The following RBCK1 variants were observed in gnomAD, a reference collection of about 807,000 sequenced individuals.
RBCK1 encodes the protein RANBP2-type and C3HC4-type zinc finger containing 1, also known as ranBP-type and C3HC4-type zinc finger-containing protein 1.
RBCK1 carries 44 observed loss-of-function variants against 71.1 expected under a neutral mutation model. That is an observed-to-expected ratio of 0.62 (90% CI 0.49 to 0.80). RBCK1 has a LOEUF of 0.80. Ranked by LOEUF, RBCK1 falls within the 30% of genes least tolerant of loss-of-function variation. RBCK1 has a pLI of 0.00. For synonymous variants in RBCK1, 306 were observed against 279.7 expected (o/e 1.09, Z -0.94); for missense variants, 569 against 685.0 (o/e 0.83, Z 1.89).
chr20:431,702 G>A lies in RBCK1; in HGVS notation c.*1272G>A, dbSNP rs190192935. ...CAAGAGCTGGCCCCAGTCACTGTGC[G>A]CAGAGCTGTCTGAGAATGTGTGAGT... is the stretch of plus-strand genomic sequence containing the variant. On this transcript the variant is annotated 3_prime_UTR_variant, in exon 12 of 12. Transcript: ENST00000356286. The surrounding 1 kb of genome is among the most constrained non-coding windows in gnomAD (Gnocchi z 4.8). 1.2e-4 allele frequency among the ~76,000 whole-genome samples: 18 copies of A among 152,332 alleles called. No homozygotes were observed. The highest frequency in any genetic ancestry group is 4.3e-4 in the African/African-American group (18 of 41,576).
intron 8 of RBCK1, among the ~76,000 whole-genome samples, chr20:425,837 A>G (rs536662011): frequency 1.2e-4 from 18 of 151,990 alleles, no homozygotes; most frequent in Admixed American, 3.3e-4. Flanking sequence ...ATGTTGGCCA[A>G]GCTAGTCTTA....
intron 4 of RBCK1, 37 bp from the exon 5 acceptor site, chr20:419,310 C>T: frequency 6.2e-7 from 1 of 1,610,392 alleles, no homozygotes; most frequent in Non-Finnish European, 8.5e-7. Context: ...ACCAAGTGGG[C>T]CGCGTGGAAC....
chr20:408,471 T>C lies in RBCK1; in HGVS notation c.-287T>C. On this transcript the variant is annotated 5_prime_UTR_variant, in exon 1 of 12. Transcript: ENST00000356286. The stretch of plus-strand genomic sequence containing the variant: ...TGGTGTCCGGGCGTCCTTTCCCCGC[T>C]TCTTCCCACCTCGGCTGGTCCCGTT... 1 of 532,386 alleles carries C rather than the reference T, an allele frequency of 1.9e-6. No individual in the cohort carries two copies. The highest frequency in any genetic ancestry group is 3.3e-6 in the Non-Finnish European group (1 of 301,516). 33.0% of individuals were successfully genotyped at this position (532,386 alleles called of 1,614,324 possible).
At position 419,725 on chromosome 20, in the gene RBCK1, C is replaced by T. The variant is rs1318573000; in HGVS notation, c.750C>T (p.Tyr250=). 6.4e-7 allele frequency: 1 copy of T among 1,557,086 alleles called. No individual in the cohort carries two copies. Among genetic ancestry groups the T allele is most frequent in the Non-Finnish European group, 8.7e-7 (1 of 1,154,922 alleles). The change falls in exon 6 of 12, where the codon TAC becomes TAT. Residue 250 remains tyrosine (Y), a synonymous_variant. Coordinates refer to ENST00000356286, the MANE Select transcript of RBCK1 (RefSeq NM_031229.4). ...GCGAGGAGGAGGCGCTGCGTCAGTACCAGCAGGTGGGCGGGAAAGTCCCTG... is the reference window on the plus strand; with the variant it reads ...GCGAGGAGGAGGCGCTGCGTCAGTATCAGCAGGTGGGCGGGAAAGTCCCTG... The part of the protein sequence containing the change: ...LAGEEEALRQ[Y]QQRKQQQQEG...
intron 2 of RBCK1, among the ~76,000 whole-genome samples, chr20:411,317 C>T (rs890995112): frequency 6.6e-6 from 1 of 152,184 alleles, no homozygotes; most frequent in Non-Finnish European, 1.5e-5. Context: ...AGTCCTCCTG[C>T]CTTGGCCTCC....
rs552376597 is a variant in RBCK1 at position 421,843 on chromosome 20, C to T, written c.918-284C>T. ...CATGGCTGCTGTTCTGAGATAGACTCTAGGGGCCAGATGGATGCAGGGAGC... is the reference window on the plus strand; with the variant it reads ...CATGGCTGCTGTTCTGAGATAGACTTTAGGGGCCAGATGGATGCAGGGAGC... On this transcript the variant is annotated intron_variant, in intron 7 of 11. Transcript: ENST00000356286. 1,584 of 436,590 alleles carry T rather than the reference C, an allele frequency of 3.6e-3. 9 individuals carry two copies. The highest frequency in any genetic ancestry group is 0.022 in the Middle Eastern group (36 of 1,626). The allele number at this position is 436,590 out of a possible 1,614,324, so 27.0% of individuals were successfully genotyped here.
At chr20:420,782 C>T in intron 6 of RBCK1, 89 bp from the exon 7 acceptor site, 8 of 1,208,356 alleles carry the variant, frequency 6.6e-6, no homozygotes, top group Non-Finnish European at 9.0e-6. Context: ...TGACCCAGCC[C>T]TGACCACGCC....
At chr20:425,547 C>G (rs769870871) in intron 8 of RBCK1, among the ~76,000 whole-genome samples, 47 of 151,838 alleles carry the variant, frequency 3.1e-4, no homozygotes, top group Non-Finnish European at 4.9e-4. Flanking sequence ...ATCTCAATAG[C>G]ACATATACTG....
At chr20:412,382 G>A (rs766179518) in intron 2 of RBCK1, among the ~76,000 whole-genome samples, 13 of 151,338 alleles carry the variant, frequency 8.6e-5, no homozygotes, top group Non-Finnish European at 1.6e-4. Flanking sequence ...GTGCAATGGT[G>A]CAATCTCGGC....
At chr20:408,813 C>A in intron 1 of RBCK1, 34 bp downstream of exon 1, 1 of 1,599,422 alleles carries the variant, frequency 6.3e-7, no homozygotes, top group Non-Finnish European at 8.5e-7. Flanking sequence ...GGGGAACTTC[C>A]GGTGGGAAGT....
chr20:419,548 C>T lies in RBCK1; in HGVS notation c.583-10C>T, dbSNP rs1462614822. On this transcript the variant is annotated splice_polypyrimidine_tract_variant and intron_variant, in intron 5 of 11. Coordinates refer to ENST00000356286, the MANE Select transcript of RBCK1 (RefSeq NM_031229.4). ...TGCCCAGTCGGGCTCACAGCACCCT[C>T]TGCTCCCAGGTGGGCTGGCAGTGCC... 5.6e-6 allele frequency: 9 copies of T among 1,606,720 alleles called. No individual in the cohort carries two copies. The highest frequency in any genetic ancestry group is 1.3e-5 in the African/African-American group (1 of 74,944).
Position 422,921 on chromosome 20 carries a change from C to T in RBCK1, c.1029+683C>T, listed in dbSNP as rs146338955. On this transcript the variant is annotated intron_variant, in intron 8 of 11. Coordinates refer to ENST00000356286, the MANE Select transcript of RBCK1 (RefSeq NM_031229.4). The surrounding 1 kb of genome is among the most constrained non-coding windows in gnomAD (Gnocchi z 5.0). ...AGTCAGATATTTAACCTCTCTATGC[C>T]TCTATCTCATCTCTGTTAGAGTCAG... is the stretch of plus-strand genomic sequence containing the variant. 2.7e-3 allele frequency among the ~76,000 whole-genome samples: 411 copies of T among 152,304 alleles called. 1 individual carries two copies. The highest frequency in any genetic ancestry group is 9.3e-3 in the African/African-American group (386 of 41,566).
intron 2 of RBCK1, among the ~76,000 whole-genome samples, chr20:414,254 TA>T (rs1007403123): frequency 1.3e-4 from 20 of 151,572 alleles, no homozygotes; most frequent in African/African-American, 4.8e-4. Flanking sequence ...CTGCAAAAAA[TA>T]AAAAAAATTA....
chr20:417,669 C>T lies in RBCK1; in HGVS notation c.261+50C>T, dbSNP rs752107228. The stretch of plus-strand genomic sequence containing the variant: ...ACTGGGGTGAAGGCTCTCCCTTTCA[C>T]TCCTGCTTCCTCTCTCTCCTCTGGC... On this transcript the variant is annotated intron_variant, in intron 3 of 11. Transcript: ENST00000356286. The surrounding 1 kb of genome is among the most constrained non-coding windows in gnomAD (Gnocchi z 4.7). 2 of 1,604,516 alleles carry T rather than the reference C, an allele frequency of 1.2e-6. No individual in the cohort carries two copies. The highest frequency in any genetic ancestry group is 1.7e-6 in the Non-Finnish European group (2 of 1,172,014).
Position 417,815 on chromosome 20 carries a change from C to G in RBCK1, c.345C>G (p.His115Gln). 6.2e-7 allele frequency: 1 copy of G among 1,614,108 alleles called. No homozygotes were observed. Among genetic ancestry groups the G allele is most frequent in the South Asian group, 1.1e-5 (1 of 91,082 alleles). Reference sequence around the variant, plus strand: ...TGGCACGAGACCAGGAGACCCTGCACTCCCATGGGGTGCGGCAGAATGGGG... The same window carrying G: ...TGGCACGAGACCAGGAGACCCTGCAGTCCCATGGGGTGCGGCAGAATGGGG... ...QRLARDQETL[H>Q]SHGVRQNGDS... The change falls in exon 4 of 12, where the codon CAC (histidine) becomes CAG (glutamine). Residue 115 changes from histidine to glutamine, a missense_variant. His to Gln is a conservative substitution (Grantham distance 24). Transcript: ENST00000356286. This position sits in a 1 kb window ranked among gnomAD's most constrained non-coding sequence, Gnocchi z 4.7.
At chr20:418,597 T>C (rs1003837805) in intron 4 of RBCK1, among the ~76,000 whole-genome samples, 16 of 152,236 alleles carry the variant, frequency 1.1e-4, no homozygotes, top group Non-Finnish European at 1.8e-4. Context: ...CTCGATCTCC[T>C]GACTTTGTGA....
chr20:423,796 T>G (rs1326320259), intron 8 of RBCK1, among the ~76,000 whole-genome samples: 4 of 152,208 alleles, frequency 2.6e-5, no homozygotes, highest in Non-Finnish European at 5.9e-5. Flanking sequence ...AGGGCCTCGC[T>G]GATTTCACCT....
At position 422,260 on chromosome 20, in the gene RBCK1, C is replaced by G. The variant is rs907707943; in HGVS notation, c.1029+22C>G. 6.2e-7 allele frequency: 1 copy of G among 1,602,164 alleles called. No homozygotes were observed. The highest frequency in any genetic ancestry group is 1.3e-5 in the African/African-American group (1 of 74,552). On this transcript the variant is annotated intron_variant, in intron 8 of 11. Coordinates refer to ENST00000356286, the MANE Select transcript of RBCK1 (RefSeq NM_031229.4). This position sits in a 1 kb window ranked among gnomAD's most constrained non-coding sequence, Gnocchi z 5.0. The stretch of plus-strand genomic sequence containing the variant: ...GGCGGTAAGGCCTCAGGGTGGGAGA[C>G]ATACCCCAAGTCCCAACTCCTAAGG...
intron 1 of RBCK1, among the ~76,000 whole-genome samples, chr20:409,129 C>T (rs1234867662): frequency 6.6e-6 from 1 of 152,198 alleles, no homozygotes; most frequent in East Asian, 1.9e-4. Flanking sequence ...GGTTGTAGAA[C>T]GGAAGTCAGT....
Sources: gnomAD v4.1 joint callset for allele counts (sites outside exome capture counted in the v4.1 genomes callset) on GRCh38, gnomAD v4.1.1 for gene constraint, Gnocchi (gnomAD v3.1) non-coding constraint, MANE v1.5 for transcripts, NCBI Gene and HGNC (gene_info 2026-07-23, HGNC 2026-07-21) for gene names.